CRYBG1: variants seen among roughly 807,000 people sequenced by gnomAD.
CRYBG1 encodes crystallin beta-gamma domain containing 1.
In CRYBG1, 139 loss-of-function variants were observed where a neutral mutation model predicts 189.2. That is an observed-to-expected ratio of 0.73 (90% CI 0.64 to 0.85). The LOEUF is 0.85. Among genes scored for constraint, CRYBG1 ranks in the 40% least tolerant of loss-of-function variants. The pLI is 0.00. For synonymous variants in CRYBG1, 1,023 were observed against 1,017.1 expected (o/e 1.01, Z -0.11); for missense variants, 2,611 against 2,675.8 (o/e 0.98, Z 0.53).
rs1181306859 is a variant in CRYBG1 at position 106,570,761 on chromosome 6, T to TTTTTC, written c.*2200_*2204dup. ...ATTTACACCTGGAAAATCAGATTTT[T>TTTTTC]TTTTCTTTTGCAATAACTCGGTAGT... On this transcript the variant is annotated 3_prime_UTR_variant, in exon 22 of 22. Transcript: ENST00000633556. 2.6e-5 allele frequency: 4 copies of TTTTTC among 152,156 alleles called. No homozygotes were observed. The highest frequency in any genetic ancestry group is 7.2e-5 in the African/African-American group (3 of 41,448). The allele number at this position is 152,156 out of a possible 1,614,324, so 9.4% of individuals were successfully genotyped here.
At chr6:106,530,832 T>C (rs35534143) in intron 8 of CRYBG1, among the ~76,000 whole-genome samples, 35,175 of 152,084 alleles carry the variant, frequency 0.23, 4,276 homozygotes, top group South Asian at 0.35. Context: ...ATAGAAAGTA[T>C]AGACTGCAAT....
At chr6:106,460,595 C>T (rs1771990752) in intron 2 of CRYBG1, among the ~76,000 whole-genome samples, 1 of 152,044 alleles carries the variant, frequency 6.6e-6, no homozygotes, top group Admixed American at 6.5e-5. Context: ...AAACCCAGAA[C>T]GCTGCCCTGC....
In CRYBG1 at chr6:106,527,320, G is replaced by A. The variant is rs1015620906; in HGVS notation, c.4428G>A (p.Glu1476=). ...KVVRGCWILY[E]QPNFEGHSIP... is the part of the protein sequence containing the mutation. ...TTATTGTTAGTTGGATTTTGTATGA[G>A]CAACCAAATTTTGAAGGGCACTCCA... is the stretch of plus-strand genomic sequence containing the variant. Residue 1476 remains glutamate, a synonymous_variant, in exon 7 of 22, where the codon GAG becomes GAA. Coordinates refer to ENST00000633556, the MANE Select transcript of CRYBG1 (RefSeq NM_001371242.2). The A allele has an allele frequency of 1.2e-6, 2 of 1,610,832 alleles. No homozygotes were observed. The highest frequency in any genetic ancestry group is 1.1e-5 in the South Asian group (1 of 90,608).
intron 21 of CRYBG1, among the ~76,000 whole-genome samples, chr6:106,567,486 TG>T (rs1246824256): frequency 6.6e-6 from 1 of 152,250 alleles, no homozygotes; most frequent in Non-Finnish European, 1.5e-5. Flanking sequence ...TTTCATATTT[TG>T]TAAATGCTTC....
chr6:106,417,593 G>A (rs1771048683), intron 1 of CRYBG1, among the ~76,000 whole-genome samples: 1 of 152,206 alleles, frequency 6.6e-6, no homozygotes, highest in Non-Finnish European at 1.5e-5. Context: ...TCTTTCATAG[G>A]TTAGGGATAA....
At chr6:106,375,936 A>G (rs1341351572) in intron 1 of CRYBG1, among the ~76,000 whole-genome samples, 2 of 152,264 alleles carry the variant, frequency 1.3e-5, no homozygotes, top group Non-Finnish European at 2.9e-5. Flanking sequence ...GAGATTAACA[A>G]TAGTAAATGA....
rs188441550 is a variant in CRYBG1 at position 106,509,696 on chromosome 6, G to A, written c.313-1734G>A. Among the ~76,000 whole-genome samples, 514 of 152,252 alleles carry A rather than the reference G, an allele frequency of 3.4e-3. 2 individuals are homozygous for A. Among genetic ancestry groups the A allele is most frequent in the Non-Finnish European group, 5.5e-3 (377 of 68,012 alleles). ...TCCTCTGGGCCGACTGTGGTTCTCGGGTGGCGGCAGAACCTCCGCGGCCTC... is the reference window on the plus strand; with the variant it reads ...TCCTCTGGGCCGACTGTGGTTCTCGAGTGGCGGCAGAACCTCCGCGGCCTC... On this transcript the variant is annotated intron_variant, in intron 2 of 21. Coordinates refer to ENST00000633556, the MANE Select transcript of CRYBG1 (RefSeq NM_001371242.2).
At chr6:106,438,749 G>A (rs1222949437) in intron 1 of CRYBG1, among the ~76,000 whole-genome samples, 2 of 152,112 alleles carry the variant, frequency 1.3e-5, no homozygotes, top group African/African-American at 4.8e-5. Flanking sequence ...AAAGTGAGAG[G>A]ACAAAATGAA....
At position 106,530,323 on chromosome 6, in the gene CRYBG1, T is replaced by A; in HGVS notation, c.4718+8T>A. 1 of 1,557,760 alleles carries A rather than the reference T, an allele frequency of 6.4e-7. No homozygotes were observed. Among genetic ancestry groups the A allele is most frequent in the Middle Eastern group, 1.7e-4 (1 of 5,772 alleles). On this transcript the variant is annotated splice_region_variant and intron_variant, in intron 8 of 21. Transcript: ENST00000633556. ...GAAAGTACATTGGGGCACGTAAGTA[T>A]TTTTTTTTCAAACAAATTTTAATGA...
chr6:106,360,865 A>G lies in CRYBG1; in HGVS notation c.-44A>G, dbSNP rs1399549654. ...TTCTTCCATAGGGCCCGGGCGGCAG[A>G]GAGGACCGCGTCCCGGCAGTCGGAG... On this transcript the variant is annotated 5_prime_UTR_variant, in exon 1 of 22. Transcript: ENST00000633556. 1 of 1,499,518 alleles carries G rather than the reference A, an allele frequency of 6.7e-7. No individual in the cohort carries two copies. Among genetic ancestry groups the G allele is most frequent in the South Asian group, 1.2e-5 (1 of 80,154 alleles). The allele number at this position is 1,499,518 out of a possible 1,614,324, so 92.9% of individuals were successfully genotyped here.
chr6:106,519,815 T>C lies in CRYBG1; in HGVS notation c.2607T>C (p.Ser869=). 6.2e-7 allele frequency: 1 copy of C among 1,614,174 alleles called. No individual in the cohort carries two copies. The highest frequency in any genetic ancestry group is 1.1e-5 in the South Asian group (1 of 91,086). The change falls in exon 4 of 22, where the codon TCT becomes TCC. Residue 869 remains serine (S), a synonymous_variant. Coordinates refer to ENST00000633556, the MANE Select transcript of CRYBG1 (RefSeq NM_001371242.2). ...FSDSQSPAES[S]PGPSLSLSAP... Reference sequence around the variant, plus strand: ...ACTCACAGTCCCCTGCTGAGTCATCTCCTGGGCCTTCTCTTTCACTGTCTG... The same window carrying C: ...ACTCACAGTCCCCTGCTGAGTCATCCCCTGGGCCTTCTCTTTCACTGTCTG...
chr6:106,561,418 A>G lies in CRYBG1; in HGVS notation c.6056A>G (p.Lys2019Arg). Residue 2019 changes from lysine to arginine, a missense_variant, in exon 20 of 22, where the codon AAG becomes AGG. Physicochemically the swap from Lys to Arg is conservative, Grantham distance 26. Transcript: ENST00000633556. ...MSTNGNLEDL[K>R]LLRIQVMEDV... is the part of the protein sequence containing the mutation. ...ACCAATGGAAACTTAGAGGATCTGAAGCTTCTGAGGATACAGGTCATGGAG... is the reference window on the plus strand; with the variant it reads ...ACCAATGGAAACTTAGAGGATCTGAGGCTTCTGAGGATACAGGTCATGGAG... 1 of 1,614,194 alleles carries G rather than the reference A, an allele frequency of 6.2e-7. No individual in the cohort carries two copies. The highest frequency in any genetic ancestry group is 1.3e-5 in the African/African-American group (1 of 75,052).
chr6:106,475,680 T>C (rs1194512379), intron 2 of CRYBG1, among the ~76,000 whole-genome samples: 1 of 152,192 alleles, frequency 6.6e-6, no homozygotes, highest in African/African-American at 2.4e-5. Flanking sequence ...GTCGGGGCTT[T>C]ATCCTGAAGA....
rs138256203 is a variant in CRYBG1, at chr6:106,507,281, G to A, written c.313-4149G>A. Among the ~76,000 whole-genome samples, 540 of 152,332 alleles carry A rather than the reference G, an allele frequency of 3.5e-3. 3 individuals are homozygous for A. The highest frequency in any genetic ancestry group is 6.8e-3 in the Middle Eastern group (2 of 294). On this transcript the variant is annotated intron_variant, in intron 2 of 21. Transcript: ENST00000633556. Reference sequence around the variant, plus strand: ...CAATAGTCCTGTTGTGGACTGCTCCGTCCCAGTTGGACATGGATGATGGAA... The same window carrying A: ...CAATAGTCCTGTTGTGGACTGCTCCATCCCAGTTGGACATGGATGATGGAA...
At chr6:106,508,829 C>T (rs1773182818) in intron 2 of CRYBG1, among the ~76,000 whole-genome samples, 1 of 151,172 alleles carries the variant, frequency 6.6e-6, no homozygotes, top group African/African-American at 2.4e-5. Context: ...TGGTGATAAA[C>T]AGGCTGCCCC....
At chr6:106,527,559 G>A in intron 7 of CRYBG1, 89 bp downstream of exon 7, 8 of 1,356,044 alleles carry the variant, frequency 5.9e-6, no homozygotes, top group Non-Finnish European at 8.1e-6. Context: ...CGAAATATGT[G>A]ATTGGGAAAC....
chr6:106,380,901 C>T (rs751729160), intron 1 of CRYBG1, among the ~76,000 whole-genome samples: 19 of 152,116 alleles, frequency 1.2e-4, no homozygotes, highest in East Asian at 1.9e-4. Flanking sequence ...CTTGATGAAA[C>T]GTAGAGTCAT....
chr6:106,571,918 G>C lies in CRYBG1; in HGVS notation c.*3352G>C. 2.3e-6 allele frequency: 2 copies of C among 879,160 alleles called. No individual in the cohort carries two copies. Among genetic ancestry groups the C allele is most frequent in the South Asian group, 1.4e-5 (1 of 70,696 alleles). The allele number at this position is 879,160 out of a possible 1,614,324, so 54.5% of individuals were successfully genotyped here. On this transcript the variant is annotated 3_prime_UTR_variant, in exon 22 of 22. Transcript: ENST00000633556. ...ATCTAATCTGGAAAAATGTTTGAAA[G>C]GGATGGCTAGAAAAAAATTTGGGCT...
intron 2 of CRYBG1, among the ~76,000 whole-genome samples, chr6:106,460,218 C>A (rs1223105736): frequency 2.6e-5 from 4 of 151,982 alleles, no homozygotes; most frequent in Admixed American, 2.0e-4. Flanking sequence ...GTCTTGATCT[C>A]CTGACCTCGT....
Sources: gnomAD v4.1 joint callset for allele counts (sites outside exome capture counted in the v4.1 genomes callset) on GRCh38, gnomAD v4.1.1 for gene constraint, MANE v1.5 for transcripts, NCBI Gene and HGNC (gene_info 2026-07-23, HGNC 2026-07-21) for gene names.